Variants in CPLX2 observed in about 807,000 individuals in gnomAD.
CPLX2 encodes complexin 2, also known as complexin-2.
Under a neutral mutation model 16.3 loss-of-function variants are expected in CPLX2, and 5 were observed. The observed-to-expected ratio is 0.31, with a 90% CI of 0.16 to 0.64. The LOEUF is 0.64. CPLX2 is among the 30% of genes least tolerant of loss of function. The pLI is 0.79. For synonymous variants in CPLX2, 89 were observed against 73.2 expected, an observed-to-expected ratio of 1.22 and a Z score of -1.10; for missense variants, 144 against 181.4, an observed-to-expected ratio of 0.79 and a Z score of 1.18.
chr5:175,881,008 G>A lies in CPLX2; in HGVS notation c.*963G>A, dbSNP rs1484760697. The A allele has an allele frequency of 6.5e-6, 1 of 152,774 alleles. No homozygotes were observed. The highest frequency in any genetic ancestry group is 1.9e-4 in the East Asian group (1 of 5,192). 9.5% of individuals were successfully genotyped at this position (152,774 alleles called of 1,614,324 possible). On this transcript the variant is annotated 3_prime_UTR_variant, in exon 4 of 4. Transcript: ENST00000393745. Reference sequence around the variant, plus strand: ...TCCTGGCCAAAGCCCCAAGCCTTTGGTGAGAAGCCAATTCCCACTTGACAG... The same window carrying A: ...TCCTGGCCAAAGCCCCAAGCCTTTGATGAGAAGCCAATTCCCACTTGACAG...
chr5:175,802,767 T>G lies in CPLX2; in HGVS notation c.-169+5983T>G, dbSNP rs371055083. ...ACCGCCAGGGCCCACTGGGTCATTT[T>G]GCACAATGACAGGCACATACCAGAT... On this transcript the variant is annotated intron_variant, in intron 1 of 4. Coordinates refer to the CPLX2 transcript ENST00000359546. 3.2e-4 allele frequency among the ~76,000 whole-genome samples: 48 copies of G among 152,366 alleles called. 1 individual carries two copies. In the South Asian group the frequency reaches 9.7e-3, roughly 31 times the overall value.
chr5:175,861,695 C>T (rs553258149), intron 2 of CPLX2: 1 of 152,388 alleles, frequency 6.6e-6, no homozygotes, highest in East Asian at 1.9e-4. Flanking sequence ...GACGCTGGAC[C>T]CAGGTGGGGA....
At chr5:175,815,786 T>C (rs1230009251) in intron 2 of CPLX2, among the ~76,000 whole-genome samples, 2 of 152,206 alleles carry the variant, frequency 1.3e-5, no homozygotes, top group African/African-American at 4.8e-5. Context: ...TTTCCTTTTG[T>C]CACAGCATTG....
intron 2 of CPLX2, among the ~76,000 whole-genome samples, chr5:175,860,445 A>G (rs1759341020): frequency 7.9e-6 from 1 of 127,106 alleles, no homozygotes; most frequent in African/African-American, 3.7e-5. Flanking sequence ...AGAAAGAGAA[A>G]GAAAGAGAGA....
chr5:175,825,797 G>A (rs1758601345), intron 2 of CPLX2, among the ~76,000 whole-genome samples: 1 of 152,064 alleles, frequency 6.6e-6, no homozygotes, highest in African/African-American at 2.4e-5. Context: ...AGCCAAAGAA[G>A]CTGGAGTGGA....
chr5:175,862,953 G>C (rs963727489), intron 2 of CPLX2, among the ~76,000 whole-genome samples: 13 of 152,232 alleles, frequency 8.5e-5, no homozygotes, highest in Non-Finnish European at 1.9e-4. Flanking sequence ...CGTGTTTTAA[G>C]GAGAGGAGTG....
At chr5:175,838,855 T>C (rs1235269391) in intron 2 of CPLX2, among the ~76,000 whole-genome samples, 1 of 152,218 alleles carries the variant, frequency 6.6e-6, no homozygotes, top group African/African-American at 2.4e-5. Flanking sequence ...TAGAATCCCA[T>C]TTCTATAAAA....
intron 2 of CPLX2, among the ~76,000 whole-genome samples, chr5:175,865,605 G>A (rs781053278): frequency 3.3e-5 from 5 of 152,194 alleles, no homozygotes; most frequent in Non-Finnish European, 4.4e-5. Context: ...CTAAAGTTGT[G>A]AGTGAATGTG....
chr5:175,821,710 A>G (rs963719946), intron 2 of CPLX2, among the ~76,000 whole-genome samples: 1 of 152,210 alleles, frequency 6.6e-6, no homozygotes, highest in African/African-American at 2.4e-5. Context: ...GCCCGGCCCT[A>G]AATTTACTTC....
chr5:175,833,534 G>A (rs1005584020), intron 2 of CPLX2, among the ~76,000 whole-genome samples: 3 of 152,204 alleles, frequency 2.0e-5, no homozygotes, highest in Non-Finnish European at 4.4e-5. Context: ...GCTGAGACCA[G>A]AGGAAGAAAG....
chr5:175,851,255 A>G, intron 2 of CPLX2, among the ~76,000 whole-genome samples: 1 of 152,106 alleles, frequency 6.6e-6, no homozygotes, highest in African/African-American at 2.4e-5. Context: ...CACCAGCACC[A>G]TTCATTCATT....
chr5:175,810,606 T>C (rs1758296333), intron 2 of CPLX2, among the ~76,000 whole-genome samples: 1 of 152,206 alleles, frequency 6.6e-6, no homozygotes, highest in Admixed American at 6.5e-5. Flanking sequence ...TCAGTACCAA[T>C]TCCTGGGGAA....
intron 1 of CPLX2, among the ~76,000 whole-genome samples, chr5:175,801,819 C>T (rs1439659345): frequency 6.6e-6 from 1 of 152,156 alleles, no homozygotes; most frequent in Admixed American, 6.6e-5. Context: ...CACTAGAGCC[C>T]GGCTCGGGGC....
intron 1 of CPLX2, chr5:175,878,276 A>C (rs1395336413): frequency 1.9e-5 from 3 of 157,544 alleles, no homozygotes; most frequent in Non-Finnish European, 4.2e-5. Flanking sequence ...TGGGGACTCG[A>C]GCAGGTTAGG....
chr5:175,803,960 G>A (rs1056125655), intron 1 of CPLX2, among the ~76,000 whole-genome samples: 5 of 152,248 alleles, frequency 3.3e-5, no homozygotes, highest in African/African-American at 1.2e-4. Flanking sequence ...GGAGGATGCA[G>A]GGGGAGGGAG....
At chr5:175,823,765 T>C (rs78010558) in intron 2 of CPLX2, among the ~76,000 whole-genome samples, 3,131 of 152,260 alleles carry the variant, frequency 0.021, 109 homozygotes, top group African/African-American at 0.072. Context: ...CTTCATTTTA[T>C]GGCAGCTTGG....
chr5:175,839,087 A>G (rs1419430917), intron 2 of CPLX2, among the ~76,000 whole-genome samples: 1 of 152,120 alleles, frequency 6.6e-6, no homozygotes, highest in Non-Finnish European at 1.5e-5. Context: ...TTTAGAGACA[A>G]GAGTCACACG....
intron 2 of CPLX2, among the ~76,000 whole-genome samples, chr5:175,860,522 AAGAAAGAAAGAAAGAAAGATAGAT>A (rs1561786417): frequency 2.3e-4 from 32 of 137,006 alleles, no homozygotes; most frequent in East Asian, 8.5e-4. Context: ...AAGAAAAAGA[AAGAAAGAAAGAAAGAAAGATAGAT>A]AGAAAGAAAG....
intron 2 of CPLX2, among the ~76,000 whole-genome samples, chr5:175,818,452 T>C (rs933663864): frequency 3.3e-5 from 5 of 151,970 alleles, no homozygotes; most frequent in Non-Finnish European, 7.4e-5. Context: ...ATTTTTGTTT[T>C]TTCAGGAAAA....
Sources: gnomAD v4.1 joint callset for allele counts (sites outside exome capture counted in the v4.1 genomes callset) on GRCh38, gnomAD v4.1.1 for gene constraint, MANE v1.5 for transcripts, NCBI Gene and HGNC (gene_info 2026-07-23, HGNC 2026-07-21) for gene names.